The following XKR4 variants were observed in gnomAD, a reference collection of about 807,000 sequenced individuals.
XKR4 encodes the protein XK-related protein 4.
XKR4 carries 12 observed loss-of-function variants against 53.9 expected under a neutral mutation model. That is an observed-to-expected ratio of 0.22 (90% confidence interval 0.14 to 0.36). XKR4 has a LOEUF of 0.36. XKR4 is among the 10% of genes least tolerant of loss of function. The pLI is 1.00. For synonymous variants in XKR4, 354 were observed against 362.4 expected (o/e 0.98, Z 0.26); for missense variants, 799 against 859.5 (o/e 0.93, Z 0.88).
At chr8:55,519,156 A>C (rs1806762636) in intron 2 of XKR4, among the ~76,000 whole-genome samples, 1 of 152,238 alleles carries the variant, frequency 6.6e-6, no homozygotes, top group Non-Finnish European at 1.5e-5. Flanking sequence ...CTATAAAATA[A>C]GATTATTGCA....
At chr8:55,107,267 T>C (rs1816163898) in intron 1 of XKR4, among the ~76,000 whole-genome samples, 1 of 152,160 alleles carries the variant, frequency 6.6e-6, no homozygotes, top group Admixed American at 6.5e-5. Context: ...AACCTCTTAA[T>C]AGGGTCACCC....
chr8:55,173,235 G>A (rs1817186148), intron 1 of XKR4, among the ~76,000 whole-genome samples: 2 of 152,002 alleles, frequency 1.3e-5, no homozygotes, highest in South Asian at 4.2e-4. Flanking sequence ...ACAATTGGAT[G>A]GGTACTGCAC....
chr8:55,168,014 A>G (rs1817093197), intron 1 of XKR4, among the ~76,000 whole-genome samples: 1 of 152,218 alleles, frequency 6.6e-6, no homozygotes, highest in South Asian at 2.1e-4. Context: ...TGAGAAATAT[A>G]GGTACTTTTG....
intron 1 of XKR4, among the ~76,000 whole-genome samples, chr8:55,116,628 C>G (rs1222560001): frequency 1.3e-5 from 2 of 152,126 alleles, no homozygotes; most frequent in Non-Finnish European, 2.9e-5. Context: ...TTCCTTATTT[C>G]ACATTAAACA....
chr8:55,103,063 G>C lies in XKR4; in HGVS notation c.575G>C (p.Cys192Ser), dbSNP rs746044328. 3.1e-6 allele frequency: 5 copies of C among 1,612,952 alleles called. No individual in the cohort carries two copies. The highest frequency in any genetic ancestry group is 2.2e-5 in the South Asian group (2 of 91,038). The change falls in exon 1 of 3, where the codon TGC (cysteine) becomes TCC (serine). Residue 192 changes from cysteine to serine, a missense_variant. This residue lies in a region of XKR4 where 476 missense variants were observed against 505.4 expected (regional missense o/e 0.94). Transcript: ENST00000327381. ...ASSCPQPGAD[C>S]KTVVGGGSAA... The stretch of plus-strand genomic sequence containing the variant: ...AGCTGCCCGCAGCCTGGAGCCGATT[G>C]CAAGACGGTGGTCGGCGGTGGGTCT...
intron 2 of XKR4, among the ~76,000 whole-genome samples, chr8:55,383,472 G>A (rs1381917073): frequency 1.3e-5 from 2 of 152,218 alleles, no homozygotes; most frequent in Non-Finnish European, 2.9e-5. Context: ...ACGGGGAACC[G>A]TTAAGTTAAT....
intron 1 of XKR4, among the ~76,000 whole-genome samples, chr8:55,221,903 A>T (rs1585948676): frequency 6.6e-6 from 1 of 152,188 alleles, no homozygotes; most frequent in South Asian, 2.1e-4. Context: ...GGGTGAATCC[A>T]CCTGTCTCAC....
chr8:55,437,169 C>T (rs770483439), intron 2 of XKR4, among the ~76,000 whole-genome samples: 4 of 152,062 alleles, frequency 2.6e-5, no homozygotes, highest in Non-Finnish European at 4.4e-5. Flanking sequence ...TAGCAAACTG[C>T]TTATTCAATT....
chr8:55,460,968 A>G, intron 2 of XKR4, among the ~76,000 whole-genome samples: 1 of 152,200 alleles, frequency 6.6e-6, no homozygotes, highest in African/African-American at 2.4e-5. Context: ...TGAGTAGGTA[A>G]ACAAAGTGGC....
intron 2 of XKR4, among the ~76,000 whole-genome samples, chr8:55,490,930 GC>G (rs113340434): frequency 0.46 from 68,031 of 146,714 alleles, 17,270 homozygotes; most frequent in African/African-American, 0.71. Flanking sequence ...TATTTTTTCT[GC>G]CCCCCCCCCA....
intron 2 of XKR4, among the ~76,000 whole-genome samples, chr8:55,499,626 C>T (rs1162224541): frequency 6.6e-6 from 1 of 152,182 alleles, no homozygotes; most frequent in Non-Finnish European, 1.5e-5. Flanking sequence ...GCCCCTGGGA[C>T]TGATCACGCC....
intron 2 of XKR4, among the ~76,000 whole-genome samples, chr8:55,499,457 G>A (rs1032745750): frequency 6.6e-6 from 1 of 152,082 alleles, no homozygotes; most frequent in African/African-American, 2.4e-5. Context: ...ACTCCAGAGG[G>A]CTTCATTTTT....
intron 2 of XKR4, among the ~76,000 whole-genome samples, chr8:55,416,685 C>A (rs541028965): frequency 6.6e-6 from 1 of 152,312 alleles, no homozygotes; most frequent in African/African-American, 2.4e-5. Flanking sequence ...GTGGCCAGGG[C>A]CCATCAGTCA....
intron 2 of XKR4, among the ~76,000 whole-genome samples, chr8:55,476,554 G>A (rs1426579433): frequency 2.7e-5 from 2 of 73,420 alleles, no homozygotes; most frequent in Admixed American, 1.2e-4. Context: ...GTGCCAGACA[G>A]TGGGTGCAGC....
intron 2 of XKR4, among the ~76,000 whole-genome samples, chr8:55,400,417 G>A (rs868540387): frequency 6.6e-6 from 1 of 152,212 alleles, no homozygotes; most frequent in African/African-American, 2.4e-5. Context: ...ACGTGTCTGA[G>A]GTGGATCCTC....
rs1806929747 is a variant in XKR4, at chr8:55,530,177, AAGGAAGG to A, written c.*5952_*5958del. 2 of 150,832 alleles carry A rather than the reference AAGGAAGG, an allele frequency of 1.3e-5. No individual in the cohort carries two copies. The highest frequency in any genetic ancestry group is 3.0e-5 in the Non-Finnish European group (2 of 67,594). The allele number at this position is 150,832 out of a possible 1,614,324, so 9.3% of individuals were successfully genotyped here. A position where few individuals can be genotyped will look rare whatever the true frequency, so the allele number is the denominator to read the frequency against. ...GAAGGAAGGAAGGAAGGAAGGAAGG[AAGGAAGG>A]AAGGAAGGAAGGAAGGAAGGAAGGA... is the stretch of plus-strand genomic sequence containing the variant. On this transcript the variant is annotated 3_prime_UTR_variant, in exon 3 of 3. Coordinates refer to ENST00000327381, the MANE Select transcript of XKR4 (RefSeq NM_052898.2).
intron 2 of XKR4, among the ~76,000 whole-genome samples, chr8:55,439,741 C>A (rs1805237849): frequency 6.6e-6 from 1 of 151,974 alleles, no homozygotes; most frequent in South Asian, 2.1e-4. Context: ...AAAGGGTTAA[C>A]ATATATTTAA....
chr8:55,511,416 A>G (rs192102529), intron 2 of XKR4, among the ~76,000 whole-genome samples: 1 of 152,292 alleles, frequency 6.6e-6, no homozygotes, highest in East Asian at 1.9e-4. Context: ...AAGGGTTTGG[A>G]CAGGCATTCC....
intron 2 of XKR4, among the ~76,000 whole-genome samples, chr8:55,506,013 C>T (rs968041984): frequency 6.6e-6 from 1 of 152,218 alleles, no homozygotes; most frequent in Non-Finnish European, 1.5e-5. Context: ...CTGCACTGCT[C>T]AACATAAATG....
Sources: gnomAD v4.1 joint callset for allele counts (sites outside exome capture counted in the v4.1 genomes callset) on GRCh38, gnomAD v4.1.1 for gene constraint, gnomAD v4.1.1 regional missense constraint, MANE v1.5 for transcripts, NCBI Gene and HGNC (gene_info 2026-07-23, HGNC 2026-07-21) for gene names.